The following KLHL12 variants were observed in gnomAD, a reference collection of about 807,000 sequenced individuals.
KLHL12 encodes kelch like family member 12.
Under a neutral mutation model 60.8 loss-of-function variants are expected in KLHL12, and 17 were observed. The observed-to-expected ratio is 0.28, with a 90% CI of 0.19 to 0.42. KLHL12 has a LOEUF of 0.42. Among genes scored for constraint, KLHL12 ranks in the 10% least tolerant of loss-of-function variants. The pLI, the probability that KLHL12 is intolerant of heterozygous loss-of-function variation, is 1.00. For synonymous variants in KLHL12, 220 were observed against 250.9 expected, an observed-to-expected ratio of 0.88 and a Z score of 1.16; for missense variants, 468 against 722.3, an observed-to-expected ratio of 0.65 and a Z score of 4.04.
intron 6 of KLHL12, among the ~76,000 whole-genome samples, chr1:202,901,065 C>A (rs551702055): frequency 2.6e-5 from 4 of 152,112 alleles, no homozygotes; most frequent in South Asian, 2.1e-4. Context: ...AAAGAAAAAA[C>A]CCCTCTCTTT....
At chr1:202,906,754 C>G (rs550745807) in intron 6 of KLHL12, among the ~76,000 whole-genome samples, 10 of 152,034 alleles carry the variant, frequency 6.6e-5, no homozygotes, top group African/African-American at 2.4e-4. Flanking sequence ...CTCCGCCTCC[C>G]GGGTTCAAGC....
chr1:202,925,176 G>T lies in KLHL12; in HGVS notation c.-14C>A. The T allele has an allele frequency of 6.2e-7, 1 of 1,613,120 alleles. No homozygotes were observed. Among genetic ancestry groups the T allele is most frequent in the East Asian group, 2.2e-5 (1 of 44,842 alleles). On this transcript the variant is annotated 5_prime_UTR_variant, in exon 2 of 12. Coordinates refer to ENST00000367261, the MANE Select transcript of KLHL12 (RefSeq NM_021633.4). ...AATGCCTCCCATAAAGCAGTGCGGAGAAAGAACAAAATGGGTCCTTGGATT... is the reference window on the plus strand; with the variant it reads ...AATGCCTCCCATAAAGCAGTGCGGATAAAGAACAAAATGGGTCCTTGGATT...
Position 202,891,518 on chromosome 1 carries a change from G to C in KLHL12, c.*1015C>G, listed in dbSNP as rs1659675335. 1 of 152,464 alleles carries C rather than the reference G, an allele frequency of 6.6e-6. No individual in the cohort carries two copies. The highest frequency in any genetic ancestry group is 1.5e-5 in the Non-Finnish European group (1 of 68,048). The allele number at this position is 152,464 out of a possible 1,614,324, so 9.4% of individuals were successfully genotyped here. On this transcript the variant is annotated 3_prime_UTR_variant, in exon 12 of 12. Coordinates refer to ENST00000367261, the MANE Select transcript of KLHL12 (RefSeq NM_021633.4). ...TTCTAAAAGAATGGGGCAGTAATCA[G>C]GTAGCTGAACTACTAGGCTACTGTC...
At position 202,896,834 on chromosome 1, in the gene KLHL12, A is replaced by G; in HGVS notation, c.939+20T>C. On this transcript the variant is annotated intron_variant, in intron 7 of 11. Coordinates refer to ENST00000367261, the MANE Select transcript of KLHL12 (RefSeq NM_021633.4). Reference sequence around the variant, plus strand: ...GGACATTTAACATCCCTCCCAACGAATGGTTTCACCATTATTTACTGGCAA... The same window carrying G: ...GGACATTTAACATCCCTCCCAACGAGTGGTTTCACCATTATTTACTGGCAA... 1.3e-6 allele frequency: 2 copies of G among 1,568,706 alleles called. No homozygotes were observed. Among genetic ancestry groups the G allele is most frequent in the African/African-American group, 1.3e-5 (1 of 74,112 alleles).
At chr1:202,928,425 G>T, upstream of KLHL12, 1 of 1,082,134 alleles carries the variant, frequency 9.2e-7, no homozygotes, top group Non-Finnish European at 1.3e-6. Context: ...AGGGCAGGCA[G>T]AGAGAATTCC....
Position 202,895,726 on chromosome 1 carries a change from T to C in KLHL12, c.940-9A>G. The stretch of plus-strand genomic sequence containing the variant: ...CTCTTACGAGTGATGCTCTATGGAT[T>C]TGGAGAGAAGAGGTACAGAGCATTT... On this transcript the variant is annotated splice_polypyrimidine_tract_variant and intron_variant, in intron 7 of 11. Transcript: ENST00000367261. This position sits in a 1 kb window ranked among gnomAD's most constrained non-coding sequence, Gnocchi z 4.2. 1 of 1,612,296 alleles carries C rather than the reference T, an allele frequency of 6.2e-7. No homozygotes were observed. The highest frequency in any genetic ancestry group is 1.3e-5 in the African/African-American group (1 of 74,998).
intron 5 of KLHL12, among the ~76,000 whole-genome samples, chr1:202,910,066 AAAAC>A (rs374092817): frequency 9.2e-5 from 14 of 152,366 alleles, no homozygotes; most frequent in African/African-American, 3.1e-4. Context: ...ACTGGAAAGG[AAAAC>A]AAACAATAAA....
Position 202,911,148 on chromosome 1 carries a change from T to G in KLHL12, c.623A>C (p.Lys208Thr), listed in dbSNP as rs1422439084. 1 of 1,614,200 alleles carries G rather than the reference T, an allele frequency of 6.2e-7. No individual in the cohort carries two copies. Among genetic ancestry groups the G allele is most frequent in the South Asian group, 1.1e-5 (1 of 91,078 alleles). The change falls in exon 5 of 12, where the codon AAG becomes ACG. Residue 208 changes from lysine to threonine, a missense_variant. By Grantham distance (78) the Lys-to-Thr change is moderately conservative. Transcript: ENST00000367261. ...AGGCAAGGATTCTTCCCGCTCTTTC[T>G]TGGCATGCTTCACCCAGTTGATGAC... Reference protein sequence around the residue: ...EAVINWVKHAKKEREESLPNL... With the variant: ...EAVINWVKHATKEREESLPNL...
Position 202,894,194 on chromosome 1 carries a change from G to T in KLHL12, c.1383C>A (p.Thr461=). Residue 461 remains threonine, a synonymous_variant, in exon 10 of 12, where the codon ACC becomes ACA. Coordinates refer to ENST00000367261, the MANE Select transcript of KLHL12 (RefSeq NM_021633.4). ...GHWTNVTPMA[T]KRSGAGVALL... ...CAGATCTGGTCTTACCAGAACGCTT[G>T]GTGGCCATTGGTGTAACATTAGTCC... The T allele has an allele frequency of 6.5e-7, 1 of 1,548,902 alleles. No homozygotes were observed. The highest frequency in any genetic ancestry group is 2.4e-5 in the East Asian group (1 of 41,536).
intron 4 of KLHL12, chr1:202,912,132 GAT>G: frequency 1.2e-6 from 1 of 852,536 alleles, no homozygotes; most frequent in South Asian, 1.3e-5. Flanking sequence ...CTGTGAAAAA[GAT>G]ATTTGTTGGC....
In KLHL12 at chr1:202,922,424, A is replaced by G. The variant is rs1660721945; in HGVS notation, c.196-2516T>C. 5.4e-5 allele frequency among the ~76,000 whole-genome samples: 8 copies of G among 149,452 alleles called. 1 individual carries two copies. In the South Asian group the frequency reaches 1.7e-3, roughly 32 times the overall value. On this transcript the variant is annotated intron_variant, in intron 2 of 11. Transcript: ENST00000367261. ...CCACTAAAAATACAAAAAATTAGCC[A>G]GGCGTCAAGGAAAAAAAAAAAAAGA...
At chr1:202,927,350 C>G (rs1260079270), upstream of KLHL12, 1 of 852,428 alleles carries the variant, frequency 1.2e-6, no homozygotes, top group Non-Finnish European at 1.4e-6. Context: ...TGTACCCTAG[C>G]GCGGGGCTTC....
chr1:202,925,786 C>T (rs1254183255), intron 1 of KLHL12, among the ~76,000 whole-genome samples: 1 of 152,128 alleles, frequency 6.6e-6, no homozygotes, highest in East Asian at 1.9e-4. Flanking sequence ...CTGATGACTT[C>T]CAAACATATC....
chr1:202,911,025 T>C, intron 5 of KLHL12, 29 bp downstream of exon 5: 1 of 1,611,472 alleles, frequency 6.2e-7, no homozygotes, highest in Non-Finnish European at 8.5e-7. Context: ...CGTCAAGGTT[T>C]TGGATCCTGA....
intron 1 of KLHL12, among the ~76,000 whole-genome samples, chr1:202,925,978 G>A (rs971320673): frequency 3.3e-5 from 5 of 151,526 alleles, no homozygotes; most frequent in South Asian, 2.1e-4. Flanking sequence ...GGTGATGCGC[G>A]CCTATAATCC....
intron 1 of KLHL12, among the ~76,000 whole-genome samples, 180 bp from the exon 2 acceptor site, chr1:202,925,387 A>G (rs535050785): frequency 6.2e-4 from 95 of 152,270 alleles, no homozygotes; most frequent in African/African-American, 2.2e-3. Flanking sequence ...GTCCATGTAA[A>G]AGCTCTCTCT....
chr1:202,898,499 G>A (rs1178782691), intron 6 of KLHL12, among the ~76,000 whole-genome samples: 3 of 152,184 alleles, frequency 2.0e-5, no homozygotes, highest in Non-Finnish European at 4.4e-5. Flanking sequence ...GACATTGAGT[G>A]CTTCCTAATG....
intron 6 of KLHL12, among the ~76,000 whole-genome samples, chr1:202,900,761 G>A (rs1659981663): frequency 6.6e-6 from 1 of 152,176 alleles, no homozygotes. Flanking sequence ...CTACTTGGGA[G>A]GGTGAGGCAC....
rs766861946 is a variant in KLHL12 at position 202,918,407 on chromosome 1, G to A, written c.350-19C>T. 1 of 1,586,902 alleles carries A rather than the reference G, an allele frequency of 6.3e-7. No homozygotes were observed. Among genetic ancestry groups the A allele is most frequent in the Non-Finnish European group, 8.7e-7 (1 of 1,155,318 alleles). On this transcript the variant is annotated intron_variant, in intron 3 of 11. Transcript: ENST00000367261. ...TTCACACCTAGGACAGACACAGGCA[G>A]CAAACACTTTAGAATAGTTGGACAG...
Sources: gnomAD v4.1 joint callset for allele counts (sites outside exome capture counted in the v4.1 genomes callset) on GRCh38, gnomAD v4.1.1 for gene constraint, Gnocchi (gnomAD v3.1) non-coding constraint, MANE v1.5 for transcripts, NCBI Gene and HGNC (gene_info 2026-07-23, HGNC 2026-07-21) for gene names.